B4GALT5: variants seen among roughly 807,000 people sequenced by gnomAD.
B4GALT5 encodes the protein beta-1,4-galactosyltransferase 5, also known as UDP-Gal:beta-GlcNAc beta-1,4-galactosyltransferase 5.
In B4GALT5, 11 loss-of-function variants were observed where a neutral mutation model predicts 45.0. The observed-to-expected ratio is 0.24, with a 90% CI of 0.15 to 0.40. The LOEUF (loss-of-function observed/expected upper bound fraction) is 0.40. Ranked by LOEUF, B4GALT5 falls within the 10% of genes least tolerant of loss-of-function variation. The pLI is 1.00. For missense variants in B4GALT5, 337 were observed against 500.2 expected (o/e 0.67, Z 3.11); for synonymous variants, 185 against 182.9 (o/e 1.01, Z -0.09).
intron 1 of B4GALT5, among the ~76,000 whole-genome samples, chr20:49,680,857 T>C (rs1261060599): frequency 3.3e-5 from 5 of 152,178 alleles, no homozygotes; most frequent in African/African-American, 1.2e-4. Context: ...GGCTACTCCA[T>C]AGGCAGGACA....
intron 1 of B4GALT5, among the ~76,000 whole-genome samples, chr20:49,703,429 T>A (rs796814595): frequency 8.5e-5 from 13 of 152,262 alleles, no homozygotes; most frequent in African/African-American, 3.1e-4. Flanking sequence ...TAGTTTCTTC[T>A]TTCATTTCAT....
At position 49,646,813 on chromosome 20, in the gene B4GALT5, T is replaced by G. The variant is rs528711004; in HGVS notation, c.364+152A>C. 6.9e-5 allele frequency: 36 copies of G among 518,462 alleles called. 1 individual carries two copies. The highest frequency in any genetic ancestry group is 5.7e-4 in the African/African-American group (29 of 51,176). The allele number at this position is 518,462 out of a possible 1,614,324, so 32.1% of individuals were successfully genotyped here. On this transcript the variant is annotated intron_variant, in intron 3 of 8. Coordinates refer to ENST00000371711, the MANE Select transcript of B4GALT5 (RefSeq NM_004776.4). ...ACACAGGCAACCTTGCAGCAGGCTTTGAAGAGGAGCCAGGAGCACAACTTT... is the reference window on the plus strand; with the variant it reads ...ACACAGGCAACCTTGCAGCAGGCTTGGAAGAGGAGCCAGGAGCACAACTTT...
At chr20:49,700,956 G>C (rs1309324379) in intron 1 of B4GALT5, among the ~76,000 whole-genome samples, 1 of 152,208 alleles carries the variant, frequency 6.6e-6, no homozygotes, top group Non-Finnish European at 1.5e-5. Flanking sequence ...GGCAATTAAA[G>C]AATGTTAACT....
At chr20:49,643,759 T>G in intron 3 of B4GALT5, 109 bp from the exon 4 acceptor site, 1 of 1,273,132 alleles carries the variant, frequency 7.9e-7, no homozygotes, top group South Asian at 1.6e-5. Context: ...TGAATTTGTT[T>G]TTAGCAAGGA....
intron 3 of B4GALT5, among the ~76,000 whole-genome samples, chr20:49,645,439 T>C (rs185897943): frequency 1.6e-4 from 25 of 152,266 alleles, no homozygotes; most frequent in Admixed American, 5.9e-4. Flanking sequence ...ATCTACTGCA[T>C]TGCCAGTCAT....
intron 1 of B4GALT5, among the ~76,000 whole-genome samples, chr20:49,699,685 C>T (rs1320470066): frequency 1.3e-5 from 2 of 152,158 alleles, no homozygotes; most frequent in African/African-American, 4.8e-5. Context: ...CCCAAACCCA[C>T]TAAGTCAAAG....
intron 1 of B4GALT5, among the ~76,000 whole-genome samples, chr20:49,681,952 C>A (rs1483755991): frequency 6.6e-6 from 1 of 152,136 alleles, no homozygotes; most frequent in African/African-American, 2.4e-5. Flanking sequence ...AAAAATTAGT[C>A]CGGCATGGTG....
intron 1 of B4GALT5, among the ~76,000 whole-genome samples, chr20:49,712,492 C>T (rs570721495): frequency 3.3e-5 from 5 of 152,150 alleles, no homozygotes; most frequent in African/African-American, 7.2e-5. Flanking sequence ...GTCAGTTTCT[C>T]CAGAGACCGC....
At chr20:49,710,405 C>CTCTCTT (rs60154358) in intron 1 of B4GALT5, among the ~76,000 whole-genome samples, 6 of 102,442 alleles carry the variant, frequency 5.9e-5, no homozygotes, top group African/African-American at 2.1e-4. Flanking sequence ...TTTTCTCTCT[C>CTCTCTT]TTTTTTTTTT....
intron 1 of B4GALT5, among the ~76,000 whole-genome samples, chr20:49,677,314 T>A (rs1398447818): frequency 3.9e-5 from 6 of 152,120 alleles, no homozygotes; most frequent in African/African-American, 1.2e-4. Flanking sequence ...TTGGAACCTC[T>A]TCCTACCTGC....
intron 1 of B4GALT5, among the ~76,000 whole-genome samples, chr20:49,710,589 T>G (rs965309671): frequency 3.3e-5 from 5 of 152,000 alleles, no homozygotes; most frequent in Non-Finnish European, 7.4e-5. Flanking sequence ...CCGGCTAATT[T>G]TTGTATTTTT....
Position 49,647,098 on chromosome 20 carries a change from A to C in B4GALT5, c.251-20T>G. On this transcript the variant is annotated intron_variant, in intron 2 of 8. Transcript: ENST00000371711. ...GATAATCTAGGGAGGTAAAGGAAAAAAGTCGATCAGACTGGTATGTGTGAT... is the reference window on the plus strand; with the variant it reads ...GATAATCTAGGGAGGTAAAGGAAAACAGTCGATCAGACTGGTATGTGTGAT... 6.5e-7 allele frequency: 1 copy of C among 1,538,380 alleles called. No individual in the cohort carries two copies. The highest frequency in any genetic ancestry group is 9.0e-7 in the Non-Finnish European group (1 of 1,114,582).
intron 1 of B4GALT5, among the ~76,000 whole-genome samples, chr20:49,685,873 A>T (rs2085783109): frequency 6.6e-6 from 1 of 151,996 alleles, no homozygotes; most frequent in Non-Finnish European, 1.5e-5. Context: ...CATCCCCTGA[A>T]TTGAAGCTTT....
intron 1 of B4GALT5, among the ~76,000 whole-genome samples, chr20:49,663,235 T>G (rs1456448294): frequency 6.6e-6 from 1 of 152,204 alleles, no homozygotes; most frequent in Admixed American, 6.5e-5. Flanking sequence ...TCTGGTCATC[T>G]TATTTCTTAA....
chr20:49,659,175 C>T (rs1047857358), intron 1 of B4GALT5, among the ~76,000 whole-genome samples: 1 of 152,230 alleles, frequency 6.6e-6, no homozygotes, highest in African/African-American at 2.4e-5. Context: ...GCTCTCACAT[C>T]TTCATCTCCT....
intron 1 of B4GALT5, among the ~76,000 whole-genome samples, chr20:49,703,240 A>G (rs2085870365): frequency 1.3e-5 from 2 of 152,164 alleles, no homozygotes; most frequent in Non-Finnish European, 2.9e-5. Flanking sequence ...TGTACACTTA[A>G]TTACTTAAAT....
At chr20:49,675,492 C>T (rs1341320112) in intron 1 of B4GALT5, among the ~76,000 whole-genome samples, 1 of 152,094 alleles carries the variant, frequency 6.6e-6, no homozygotes, top group Non-Finnish European at 1.5e-5. Flanking sequence ...TTAACATTTC[C>T]CACCACGCCC....
intron 1 of B4GALT5, 71 bp downstream of exon 1, chr20:49,713,505 G>C (rs377193022): frequency 6.8e-7 from 1 of 1,470,906 alleles, no homozygotes. Context: ...GCCCCTTAGG[G>C]AGGGGCGGGG....
chr20:49,711,828 T>C, intron 1 of B4GALT5, among the ~76,000 whole-genome samples: 1 of 152,278 alleles, frequency 6.6e-6, no homozygotes, highest in East Asian at 1.9e-4. Context: ...ACAAGTAAAA[T>C]ATGCTTAAAA....
Sources: gnomAD v4.1 joint callset for allele counts (sites outside exome capture counted in the v4.1 genomes callset) on GRCh38, gnomAD v4.1.1 for gene constraint, MANE v1.5 for transcripts, NCBI Gene and HGNC (gene_info 2026-07-23, HGNC 2026-07-21) for gene names.